RGS6: variants seen among roughly 807,000 people sequenced by gnomAD.
RGS6 encodes regulator of G-protein signaling 6.
In RGS6, 30 loss-of-function variants were observed where a neutral mutation model predicts 78.5. That is an observed-to-expected ratio of 0.38 (90% confidence interval 0.29 to 0.52). RGS6 has a LOEUF of 0.52. Ranked by LOEUF, RGS6 falls within the 20% of genes least tolerant of loss-of-function variation. The pLI is 0.85. For missense variants in RGS6, 495 were observed against 609.7 expected (o/e 0.81, Z 1.98); for synonymous variants, 206 against 206.0 (o/e 1.00, Z 0.00).
At chr14:72,553,532 G>A (rs1424704457) in intron 17 of RGS6, among the ~76,000 whole-genome samples, 2 of 152,112 alleles carry the variant, frequency 1.3e-5, no homozygotes, top group African/African-American at 2.4e-5. Context: ...TGGTGTCTCT[G>A]TTTTTTCTGC....
At chr14:72,484,063 A>T (rs1420280442) in intron 12 of RGS6, among the ~76,000 whole-genome samples, 1 of 151,678 alleles carries the variant, frequency 6.6e-6, no homozygotes, top group Admixed American at 6.6e-5. Context: ...TTTCCTTTCT[A>T]ATCAGATCCT....
chr14:72,353,795 C>T (rs2079614968), intron 3 of RGS6, among the ~76,000 whole-genome samples: 3 of 152,036 alleles, frequency 2.0e-5, no homozygotes, highest in Admixed American at 2.0e-4. Flanking sequence ...CCACCTTGGC[C>T]AACATGGCAA....
At chr14:72,226,673 T>A (rs762150757) in intron 2 of RGS6, among the ~76,000 whole-genome samples, 1 of 152,158 alleles carries the variant, frequency 6.6e-6, no homozygotes, top group African/African-American at 2.4e-5. Flanking sequence ...TTTAACAAGA[T>A]CCCCGGGTGA....
At chr14:72,165,505 C>T (rs1473472882) in intron 2 of RGS6, among the ~76,000 whole-genome samples, 1 of 152,184 alleles carries the variant, frequency 6.6e-6, no homozygotes, top group Non-Finnish European at 1.5e-5. Context: ...AATTCAAAAG[C>T]GCATTGCTGG....
chr14:72,099,306 C>T (rs928651205), intron 2 of RGS6, among the ~76,000 whole-genome samples: 1 of 152,028 alleles, frequency 6.6e-6, no homozygotes, highest in African/African-American at 2.4e-5. Context: ...ACTACAGGTA[C>T]CAGCCTCCAT....
intron 2 of RGS6, among the ~76,000 whole-genome samples, chr14:72,203,300 A>G (rs2041994630): frequency 6.6e-6 from 1 of 152,240 alleles, no homozygotes; most frequent in Non-Finnish European, 1.5e-5. Flanking sequence ...TAATAGATGA[A>G]TTAAGACCTC....
chr14:72,201,102 A>G (rs112533165), intron 2 of RGS6, among the ~76,000 whole-genome samples: 34 of 152,156 alleles, frequency 2.2e-4, no homozygotes, highest in Non-Finnish European at 3.8e-4. Flanking sequence ...TTTCTCAAGG[A>G]AGTGGTGCCT....
chr14:72,489,158 C>A (rs1004351034), intron 12 of RGS6, among the ~76,000 whole-genome samples: 3 of 148,264 alleles, frequency 2.0e-5, no homozygotes, highest in Non-Finnish European at 3.0e-5. Context: ...CAAAGGGGGC[C>A]CCCCCACCGG....
intron 2 of RGS6, among the ~76,000 whole-genome samples, chr14:72,208,917 A>G (rs999348691): frequency 2.3e-5 from 3 of 130,440 alleles, no homozygotes; most frequent in African/African-American, 8.3e-5. Context: ...TAAAATAAGA[A>G]TAATGAAATA....
the RGS6 span, among the ~76,000 whole-genome samples, chr14:71,881,959 AT>A: frequency 2.8e-4 from 43 of 152,336 alleles, no homozygotes; most frequent in Non-Finnish European, 2.6e-4. Flanking sequence ...TATGCATAAC[AT>A]AAAACTTACC....
intron 2 of RGS6, among the ~76,000 whole-genome samples, chr14:72,248,546 T>G (rs928408553): frequency 6.6e-6 from 1 of 152,104 alleles, no homozygotes; most frequent in Non-Finnish European, 1.5e-5. Flanking sequence ...TCAATAAGAG[T>G]GTAAAGACCA....
intron 3 of RGS6, among the ~76,000 whole-genome samples, chr14:72,430,685 G>T (rs1019937005): frequency 6.6e-6 from 1 of 152,208 alleles, no homozygotes; most frequent in African/African-American, 2.4e-5. Context: ...TGGTTTTGGG[G>T]TTTTTTTCTG....
At chr14:71,988,398 G>A (rs566957177) in intron 2 of RGS6, among the ~76,000 whole-genome samples, 1 of 152,238 alleles carries the variant, frequency 6.6e-6, no homozygotes, top group East Asian at 1.9e-4. Flanking sequence ...TTGATCCCTT[G>A]AGCCTCAGGA....
intron 13 of RGS6, among the ~76,000 whole-genome samples, chr14:72,506,901 C>G (rs1459897664): frequency 2.1e-5 from 3 of 142,792 alleles, no homozygotes; most frequent in African/African-American, 7.6e-5. Context: ...GTAATCCCAG[C>G]ACTTTGGGAG....
chr14:72,124,455 A>G (rs985804491), intron 2 of RGS6, among the ~76,000 whole-genome samples: 3 of 152,184 alleles, frequency 2.0e-5, no homozygotes, highest in African/African-American at 4.8e-5. Context: ...GTGAAAATCT[A>G]TATTTAAATT....
At chr14:72,054,455 A>C (rs977434809) in intron 2 of RGS6, among the ~76,000 whole-genome samples, 3 of 152,176 alleles carry the variant, frequency 2.0e-5, no homozygotes, top group African/African-American at 7.2e-5. Context: ...TGATTCTAGC[A>C]TACTAAGTAT....
intron 2 of RGS6, among the ~76,000 whole-genome samples, chr14:72,010,081 T>G (rs2085371474): frequency 6.6e-6 from 1 of 152,250 alleles, no homozygotes; most frequent in Non-Finnish European, 1.5e-5. Flanking sequence ...TGTATGACCA[T>G]GCCTCTTCTC....
the RGS6 span, among the ~76,000 whole-genome samples, chr14:71,887,136 A>C: frequency 1.3e-5 from 2 of 152,146 alleles, no homozygotes; most frequent in Non-Finnish European, 2.9e-5. Flanking sequence ...GATTTCATGG[A>C]CGTTTATCAG....
At chr14:71,903,377 T>C in the RGS6 span, among the ~76,000 whole-genome samples, 3 of 152,244 alleles carry the variant, frequency 2.0e-5, no homozygotes, top group Non-Finnish European at 2.9e-5. Flanking sequence ...TGGCTAACTA[T>C]TGAGGTCAGC....
Sources: gnomAD v4.1 joint callset for allele counts (sites outside exome capture counted in the v4.1 genomes callset) on GRCh38, gnomAD v4.1.1 for gene constraint, MANE v1.5 for transcripts, NCBI Gene and HGNC (gene_info 2026-07-23, HGNC 2026-07-21) for gene names.